The following LPCAT3 variants were observed in gnomAD, a reference collection of about 807,000 sequenced individuals.
The protein encoded by LPCAT3 is lysophospholipid acyltransferase 5.
In LPCAT3, 21 loss-of-function variants were observed where a neutral mutation model predicts 63.4. The ratio of observed to expected loss-of-function variants is 0.33; its 90% CI spans 0.23 to 0.48. The LOEUF (loss-of-function observed/expected upper bound fraction) is 0.48, where lower values mean the gene tolerates loss of function less well. LPCAT3 is among the 20% of genes least tolerant of loss of function. The pLI, the probability that LPCAT3 is intolerant of heterozygous loss-of-function variation, is 0.99. For missense variants in LPCAT3, 451 were observed against 590.6 expected (o/e 0.76, Z 2.45); for synonymous variants, 242 against 227.5 (o/e 1.06, Z -0.58).
chr12:7,005,818 A>G (rs997245400), intron 1 of LPCAT3, among the ~76,000 whole-genome samples: 1 of 152,186 alleles, frequency 6.6e-6, no homozygotes. Context: ...AGACATCTGA[A>G]TACTAGACTT....
At chr12:7,012,056 G>A (rs1555157274) in intron 1 of LPCAT3, among the ~76,000 whole-genome samples, 3 of 152,128 alleles carry the variant, frequency 2.0e-5, no homozygotes, top group Non-Finnish European at 4.4e-5. Context: ...TTTAAAGGTC[G>A]CTAACTTTAG....
intron 1 of LPCAT3, among the ~76,000 whole-genome samples, chr12:7,002,110 G>C (rs1946692101): frequency 6.6e-6 from 1 of 152,130 alleles, no homozygotes; most frequent in Non-Finnish European, 1.5e-5. Context: ...GGGAGGAATG[G>C]GGAGCGGCCA....
intron 6 of LPCAT3, chr12:6,979,851 T>A: frequency 2.3e-6 from 1 of 432,056 alleles, no homozygotes; most frequent in Admixed American, 3.9e-5. Context: ...GGGATGCTAC[T>A]GATCTCAAGG....
At chr12:6,979,993 CAG>C (rs1946453147) in intron 6 of LPCAT3, 1 of 159,090 alleles carries the variant, frequency 6.3e-6, no homozygotes, top group Non-Finnish European at 1.3e-5. Context: ...GACAAGTTCT[CAG>C]TGAAGGAATT....
chr12:7,003,150 G>T (rs1313988402), intron 1 of LPCAT3, among the ~76,000 whole-genome samples: 1 of 152,026 alleles, frequency 6.6e-6, no homozygotes, highest in Non-Finnish European at 1.5e-5. Context: ...AATGGATTTT[G>T]TTAAGTCCTA....
chr12:6,996,405 C>A (rs1009582181), intron 1 of LPCAT3, among the ~76,000 whole-genome samples: 2 of 152,074 alleles, frequency 1.3e-5, no homozygotes, highest in Admixed American at 1.3e-4. Context: ...ACTTCTTGTT[C>A]TTCTTTCCTG....
intron 1 of LPCAT3, among the ~76,000 whole-genome samples, chr12:6,999,458 A>T (rs1946666513): frequency 6.6e-6 from 1 of 152,226 alleles, no homozygotes; most frequent in South Asian, 2.1e-4. Context: ...ACCCAGCCAA[A>T]CAACCTAAAC....
intron 1 of LPCAT3, among the ~76,000 whole-genome samples, chr12:7,012,246 A>T (rs782579773): frequency 5.9e-5 from 9 of 152,162 alleles, no homozygotes; most frequent in Non-Finnish European, 8.8e-5. Context: ...TCATATACTG[A>T]TTGCATCTTG....
chr12:7,009,327 C>T (rs1946746935), intron 1 of LPCAT3, among the ~76,000 whole-genome samples: 1 of 152,196 alleles, frequency 6.6e-6, no homozygotes, highest in African/African-American at 2.4e-5. Context: ...TCCCAAAGTG[C>T]TGGGATTACA....
chr12:6,978,187 G>T, intron 9 of LPCAT3, 154 bp downstream of exon 9: 1 of 828,718 alleles, frequency 1.2e-6, no homozygotes, highest in Non-Finnish European at 1.9e-6. Flanking sequence ...TTTGGGAGGG[G>T]GGTATAGGTG....
At chr12:6,994,133 G>A (rs1555155816) in intron 1 of LPCAT3, among the ~76,000 whole-genome samples, 1 of 152,154 alleles carries the variant, frequency 6.6e-6, no homozygotes, top group African/African-American at 2.4e-5. Flanking sequence ...CCATGTACAA[G>A]TTTTTGTGTG....
intron 9 of LPCAT3, 129 bp downstream of exon 9, chr12:6,978,212 T>C (rs1359522522): frequency 1.8e-6 from 2 of 1,101,388 alleles, no homozygotes; most frequent in Non-Finnish European, 2.6e-6. Context: ...TCAAAGTCAG[T>C]GTGAGCGACA....
chr12:6,990,036 G>A lies in LPCAT3; in HGVS notation c.152-6497C>T, dbSNP rs141295494. On this transcript the variant is annotated intron_variant, in intron 1 of 12. Transcript: ENST00000261407. ...AAAAATAAAAAAAATAGTTGGGTGG[G>A]GTGGGTGGTGCGTGCCTGTAGTCCC... 1.5e-3 allele frequency among the ~76,000 whole-genome samples: 232 copies of A among 151,668 alleles called. 1 individual carries two copies. The highest frequency in any genetic ancestry group is 5.4e-3 in the African/African-American group (225 of 41,336).
chr12:7,005,606 G>A (rs1389978264), intron 1 of LPCAT3, among the ~76,000 whole-genome samples: 3 of 152,198 alleles, frequency 2.0e-5, no homozygotes. Context: ...ATCTGTTTGT[G>A]TGTTTTTGAT....
intron 1 of LPCAT3, among the ~76,000 whole-genome samples, chr12:7,012,342 T>C (rs1221879317): frequency 6.6e-6 from 1 of 151,764 alleles, no homozygotes; most frequent in Non-Finnish European, 1.5e-5. Flanking sequence ...ATCTCAGCGG[T>C]AAAGAGCAGG....
Position 6,977,597 on chromosome 12 carries a change from C to G in LPCAT3, c.1188+1G>C. On this transcript the variant is annotated splice_donor_variant, in intron 10 of 12. Coordinates refer to ENST00000261407, the MANE Select transcript of LPCAT3 (RefSeq NM_005768.6). LOFTEE classifies it high-confidence loss of function. The surrounding 1 kb of genome is among the most constrained non-coding windows in gnomAD (Gnocchi z 4.5). ...CCTTCACCCCCACCCTGGAGGCCTA[C>G]CTGTCTTTCCACAATAACAATGAGG... 2 of 1,614,212 alleles carry G rather than the reference C, an allele frequency of 1.2e-6. No individual in the cohort carries two copies. The highest frequency in any genetic ancestry group is 1.7e-6 in the Non-Finnish European group (2 of 1,180,050).
Position 6,981,197 on chromosome 12 carries a change from G to A in LPCAT3, c.499-15C>T. ...GACAAGGAATTCTATGCCAAGAAGA[G>A]AATGCATGGTTCAGGATAGCCTTGA... On this transcript the variant is annotated splice_polypyrimidine_tract_variant and intron_variant, in intron 5 of 12. Coordinates refer to ENST00000261407, the MANE Select transcript of LPCAT3 (RefSeq NM_005768.6). The A allele has an allele frequency of 6.3e-7, 1 of 1,597,074 alleles. No homozygotes were observed. Among genetic ancestry groups the A allele is most frequent in the Non-Finnish European group, 8.5e-7 (1 of 1,171,430 alleles).
At position 6,979,562 on chromosome 12, in the gene LPCAT3, T is replaced by C. The variant is rs781857772; in HGVS notation, c.695A>G (p.Lys232Arg). The change falls in exon 7 of 13, where the codon AAG (lysine) becomes AGG (arginine). Residue 232 changes from lysine to arginine, a missense_variant. This residue lies in a region of LPCAT3 where 304 missense variants were observed against 390.8 expected (regional missense o/e 0.78). Transcript: ENST00000261407. ...KIPNSIIPAL[K>R]RLSLGLFYLV... The stretch of plus-strand genomic sequence containing the variant: ...GTAGAAAAGGCCCAGACTCAGGCGC[T>C]TGAGAGCAGGAATGATGCTGGAAAG... 4.3e-6 allele frequency: 7 copies of C among 1,613,592 alleles called. No homozygotes were observed. Among genetic ancestry groups the C allele is most frequent in the East Asian group, 2.2e-5 (1 of 44,882 alleles).
At chr12:7,016,623 G>T (rs975386662) in intron 1 of LPCAT3, among the ~76,000 whole-genome samples, 9 of 152,188 alleles carry the variant, frequency 5.9e-5, no homozygotes, top group African/African-American at 1.9e-4. Context: ...CTGGCCTCAA[G>T]CGTTCCTCCC....
Sources: gnomAD v4.1 joint callset for allele counts (sites outside exome capture counted in the v4.1 genomes callset) on GRCh38, gnomAD v4.1.1 for gene constraint, gnomAD v4.1.1 regional missense constraint, Gnocchi (gnomAD v3.1) non-coding constraint, MANE v1.5 for transcripts, NCBI Gene and HGNC (gene_info 2026-07-23, HGNC 2026-07-21) for gene names.